Variants in UBQLN4 observed in about 807,000 individuals in gnomAD.
The protein encoded by UBQLN4 is ubiquilin-4.
In UBQLN4, 11 loss-of-function variants were observed where a neutral mutation model predicts 60.4. The observed-to-expected ratio is 0.18, with a 90% CI of 0.11 to 0.30. The LOEUF (loss-of-function observed/expected upper bound fraction) is 0.30, where lower values mean the gene tolerates loss of function less well. Among genes scored for constraint, UBQLN4 ranks in the 10% least tolerant of loss-of-function variants. UBQLN4 has a pLI of 1.00. For missense variants in UBQLN4, 417 were observed against 795.5 expected (o/e 0.52, Z 5.72); for synonymous variants, 258 against 313.1 (o/e 0.82, Z 1.86).
chr1:156,048,468 A>G lies in UBQLN4; in HGVS notation c.900+33T>C. On this transcript the variant is annotated intron_variant, in intron 5 of 10. Transcript: ENST00000368309. The surrounding 1 kb of genome is among the most constrained non-coding windows in gnomAD (Gnocchi z 4.9). ...GGGGTAGGGAATCTCGAGCCCAGAC[A>G]GCCCAACCCACTACCCTGGCCCTTG... The G allele has an allele frequency of 6.3e-7, 1 of 1,578,618 alleles. No homozygotes were observed. Among genetic ancestry groups the G allele is most frequent in the South Asian group, 1.1e-5 (1 of 89,540 alleles).
At chr1:156,040,638 G>A (rs1683539336) in intron 10 of UBQLN4, among the ~76,000 whole-genome samples, 1 of 151,368 alleles carries the variant, frequency 6.6e-6, no homozygotes, top group African/African-American at 2.4e-5. Flanking sequence ...TTTTTTAGTA[G>A]AGATGGGGTT....
rs748027709 is a variant in UBQLN4, at chr1:156,042,843, A to G, written c.1197T>C (p.Asn399=). The G allele has an allele frequency of 1.2e-6, 2 of 1,614,106 alleles. No homozygotes were observed. The highest frequency in any genetic ancestry group is 2.7e-5 in the African/African-American group (2 of 74,940). ...TGCGCATGTAGGGTGCTGAGATCAC[A>G]TTCTGCATCAGCTGGGGGTTCTCAG... ...QISENPQLMQ[N]VISAPYMRSM... The change falls in exon 7 of 11, where the codon AAT becomes AAC. Residue 399 remains asparagine, a synonymous_variant. Coordinates refer to ENST00000368309, the MANE Select transcript of UBQLN4 (RefSeq NM_020131.5).
At chr1:156,039,692 CT>C (rs1254326813) in intron 10 of UBQLN4, among the ~76,000 whole-genome samples, 1 of 151,984 alleles carries the variant, frequency 6.6e-6, no homozygotes, top group Admixed American at 6.6e-5. Flanking sequence ...AATCCCAGCA[CT>C]TTGGGAGACC....
At chr1:156,049,165 T>C (rs765034790) in intron 4 of UBQLN4, among the ~76,000 whole-genome samples, 7 of 152,242 alleles carry the variant, frequency 4.6e-5, no homozygotes, top group African/African-American at 1.4e-4. Flanking sequence ...GAGATGTTAA[T>C]TGACTTGCTG....
downstream of UBQLN4, among the ~76,000 whole-genome samples, chr1:156,033,789 A>G (rs1683335129): frequency 6.6e-6 from 1 of 151,194 alleles, no homozygotes; most frequent in Non-Finnish European, 1.5e-5. Flanking sequence ...GGTTGCAGTG[A>G]GCCGAGATTG....
At chr1:156,032,722 C>G (rs1343697565), downstream of UBQLN4, among the ~76,000 whole-genome samples, 1 of 152,106 alleles carries the variant, frequency 6.6e-6, no homozygotes, top group Non-Finnish European at 1.5e-5. Flanking sequence ...CCATGCTTCT[C>G]TGCGGCACTT....
At chr1:156,039,665 C>T (rs1572269974) in intron 10 of UBQLN4, among the ~76,000 whole-genome samples, 1 of 151,918 alleles carries the variant, frequency 6.6e-6, no homozygotes, top group Non-Finnish European at 1.5e-5. Flanking sequence ...TGGCCGGGTG[C>T]GGTGGCTGAC....
In UBQLN4 at chr1:156,042,777, A is replaced by G; in HGVS notation, c.1263T>C (p.Ala421=). The G allele has an allele frequency of 6.2e-7, 1 of 1,613,902 alleles. No individual in the cohort carries two copies. Residue 421 remains alanine, a synonymous_variant, in exon 7 of 11, where the codon GCT becomes GCC. Transcript: ENST00000368309. ...TCTCCTCATGCTGGTTTCATACCTG[A>G]GCAGCAAAGTCGGGGTTCTGGGCAA... is the stretch of plus-strand genomic sequence containing the variant. ...QTLAQNPDFA[A]QMMVNVPLFA...
intron 6 of UBQLN4, 132 bp from the exon 7 acceptor site, chr1:156,043,045 C>A: frequency 8.0e-7 from 1 of 1,248,212 alleles, no homozygotes; most frequent in Non-Finnish European, 1.1e-6. Context: ...CCAGTGGGCA[C>A]CCTAGGATTG....
At chr1:156,051,994 C>G in intron 1 of UBQLN4, 137 bp from the exon 2 acceptor site, 1 of 1,024,514 alleles carries the variant, frequency 9.8e-7, no homozygotes. Flanking sequence ...AGTCTCGACG[C>G]CATTCCTCCA....
intron 5 of UBQLN4, among the ~76,000 whole-genome samples, chr1:156,046,612 G>A (rs954238534): frequency 2.0e-5 from 3 of 151,382 alleles, no homozygotes; most frequent in African/African-American, 7.3e-5. Context: ...GGAGGCCGAG[G>A]CAGGCAGATG....
Position 156,048,490 on chromosome 1 carries a change from C to T in UBQLN4, c.900+11G>A, listed in dbSNP as rs200607528. On this transcript the variant is annotated intron_variant, in intron 5 of 10. Coordinates refer to ENST00000368309, the MANE Select transcript of UBQLN4 (RefSeq NM_020131.5). The surrounding 1 kb of genome is among the most constrained non-coding windows in gnomAD (Gnocchi z 4.9). ...GACAGCCCAACCCACTACCCTGGCC[C>T]TTGATCCCACCTGTTCCCGGGCAGC... 8.1e-6 allele frequency: 13 copies of T among 1,605,548 alleles called. No homozygotes were observed. The highest frequency in any genetic ancestry group is 3.3e-5 in the Admixed American group (2 of 59,864).
intron 10 of UBQLN4, among the ~76,000 whole-genome samples, chr1:156,040,131 C>T (rs1029452571): frequency 2.0e-5 from 3 of 151,450 alleles, no homozygotes; most frequent in Non-Finnish European, 4.4e-5. Context: ...TGGTGGCTCA[C>T]GCCTATAATC....
chr1:156,035,056 A>G (rs1683368953), downstream of UBQLN4, among the ~76,000 whole-genome samples: 1 of 150,786 alleles, frequency 6.6e-6, no homozygotes, highest in South Asian at 2.1e-4. Flanking sequence ...TTTCGTAGAG[A>G]CAAGGTCTCC....
downstream of UBQLN4, among the ~76,000 whole-genome samples, chr1:156,032,159 C>T (rs1683308523): frequency 6.6e-6 from 1 of 151,552 alleles, no homozygotes. Context: ...CGTGCCACCA[C>T]GCCTGGCTAG....
chr1:156,053,737 C>G lies in UBQLN4; in HGVS notation c.-36G>C, dbSNP rs1280527424. On this transcript the variant is annotated 5_prime_UTR_variant, in exon 1 of 11. Transcript: ENST00000368309. ...CCACCCGGCCGCCCGCCAGCCCGCC[C>G]GGCTCCTCCTCCTCCCCGCCCGCCC... The G allele has an allele frequency of 8.2e-7, 1 of 1,217,572 alleles. No individual in the cohort carries two copies. Among genetic ancestry groups the G allele is most frequent in the Non-Finnish European group, 1.0e-6 (1 of 962,112 alleles). 75.4% of individuals were successfully genotyped at this position (1,217,572 alleles called of 1,614,324 possible). A position where few individuals can be genotyped will look rare whatever the true frequency, so the allele number is the denominator to read the frequency against.
chr1:156,051,079 C>A (rs770857838), intron 3 of UBQLN4, 31 bp downstream of exon 3: 5 of 1,604,114 alleles, frequency 3.1e-6, no homozygotes, highest in Non-Finnish European at 3.4e-6. Flanking sequence ...CAACCCCAAA[C>A]AAGATTGTGC....
intron 10 of UBQLN4, among the ~76,000 whole-genome samples, chr1:156,040,134 C>CT (rs1024293656): frequency 2.6e-5 from 4 of 151,816 alleles, no homozygotes; most frequent in Non-Finnish European, 5.9e-5. Context: ...TGGCTCACGC[C>CT]TATAATCCCA....
Position 156,035,330 on chromosome 1 carries a change from A to C in UBQLN4, c.*1648T>G. ...AACAAAGACCACGCCATTTATTTAC[A>C]AAGGCCAGTGTGGGAGCTGGGGGAG... is the stretch of plus-strand genomic sequence containing the variant. On this transcript the variant is annotated 3_prime_UTR_variant, in exon 11 of 11. Coordinates refer to ENST00000368309, the MANE Select transcript of UBQLN4 (RefSeq NM_020131.5). 12 of 985,424 alleles carry C rather than the reference A, an allele frequency of 1.2e-5. No individual in the cohort carries two copies. Among genetic ancestry groups the C allele is most frequent in the Non-Finnish European group, 1.4e-5 (12 of 829,912 alleles). The allele number at this position is 985,424 out of a possible 1,614,324, so 61.0% of individuals were successfully genotyped here.
Sources: allele counts gnomAD v4.1 joint callset (sites outside exome capture counted in the v4.1 genomes callset), GRCh38; gene constraint gnomAD v4.1.1; non-coding constraint Gnocchi (gnomAD v3.1); transcripts MANE v1.5; gene names NCBI Gene and HGNC (gene_info 2026-07-23, HGNC 2026-07-21).